Variants in INSL6 observed in about 807,000 individuals in gnomAD.
The protein encoded by INSL6 is insulin-like peptide INSL6.
In INSL6, 16 loss-of-function variants were observed where a neutral mutation model predicts 9.4. The ratio of observed to expected loss-of-function variants is 1.70; its 90% CI spans 1.15 to 2.59. The LOEUF is 2.59. Ranked by LOEUF, INSL6 falls within the 30% of genes most tolerant of loss-of-function variation. The pLI is 0.00. For synonymous variants in INSL6, 154 were observed against 96.9 expected, an observed-to-expected ratio of 1.59 and a Z score of -3.46; for missense variants, 391 against 257.3, an observed-to-expected ratio of 1.52 and a Z score of -3.56.
chr9:5,175,090 C>T (rs1257229303), intron 1 of INSL6, among the ~76,000 whole-genome samples: 1 of 152,090 alleles, frequency 6.6e-6, no homozygotes, highest in African/African-American at 2.4e-5. Flanking sequence ...CAGGTGCCCA[C>T]CACCACGCCC....
chr9:5,144,487 T>TTA (rs1349139479), intron 2 of INSL6, among the ~76,000 whole-genome samples: 2 of 151,978 alleles, frequency 1.3e-5, no homozygotes. Flanking sequence ...TGTTTCGGGG[T>TTA]ATCTATGAGG....
the INSL6 span, among the ~76,000 whole-genome samples, chr9:5,068,380 AATT>A: frequency 4.6e-3 from 702 of 152,334 alleles, 5 homozygotes; most frequent in African/African-American, 0.016. Flanking sequence ...TATTAAAGAT[AATT>A]ATACAAATAC....
rs76470180 is a variant in INSL6 at position 5,125,410 on chromosome 9, A to G, written c.*11-899T>C. Among the ~76,000 whole-genome samples, 32 of 151,632 alleles carry G rather than the reference A, an allele frequency of 2.1e-4. No individual in the cohort carries two copies. In the East Asian group the frequency reaches 5.8e-3, roughly 27 times the overall value. ...CTGAGTAGCATTCCATCATAAGGCT[A>G]TATATGTCTGAACAATCATTTTCCA... On this transcript the variant is annotated intron_variant, in intron 3 of 3. Coordinates refer to the INSL6 transcript ENST00000649639.
chr9:4,993,035 G>A, the INSL6 span, among the ~76,000 whole-genome samples: 4 of 152,136 alleles, frequency 2.6e-5, no homozygotes, highest in Non-Finnish European at 5.9e-5. Context: ...CCTGCCTGTA[G>A]TGCTCCAGAG....
chr9:5,081,489 A>G, the INSL6 span, among the ~76,000 whole-genome samples: 1 of 152,196 alleles, frequency 6.6e-6, no homozygotes, highest in South Asian at 2.1e-4. Context: ...TATGAATACT[A>G]AAACTTCTTA....
At chr9:5,177,489 G>A (rs1405021387) in intron 1 of INSL6, among the ~76,000 whole-genome samples, 2 of 152,222 alleles carry the variant, frequency 1.3e-5, no homozygotes, top group African/African-American at 4.8e-5. Flanking sequence ...AGTCTCAGCA[G>A]AGCAAACGCT....
At chr9:5,004,587 G>A in the INSL6 span, among the ~76,000 whole-genome samples, 1,047 of 152,220 alleles carry the variant, frequency 6.9e-3, 21 homozygotes, top group African/African-American at 0.024. Flanking sequence ...GAATAATGCT[G>A]CAATGAGCAT....
At chr9:5,124,736 A>G (rs1470333468) in intron 3 of INSL6, among the ~76,000 whole-genome samples, 1 of 151,670 alleles carries the variant, frequency 6.6e-6, no homozygotes, top group Non-Finnish European at 1.5e-5. Context: ...ACAGAATAGA[A>G]AACCCAGAAA....
At chr9:5,135,790 G>C (rs1029345243) in intron 2 of INSL6, among the ~76,000 whole-genome samples, 2 of 151,940 alleles carry the variant, frequency 1.3e-5, no homozygotes, top group South Asian at 2.1e-4. Flanking sequence ...AACTGAGCAA[G>C]ACAGAGACAC....
the INSL6 span, chr9:5,090,820 G>A: frequency 1.2e-6 from 2 of 1,613,526 alleles, no homozygotes; most frequent in South Asian, 1.1e-5. Flanking sequence ...CGAGAACAGA[G>A]TTAAAATTGG....
At chr9:5,116,151 C>T in the INSL6 span, among the ~76,000 whole-genome samples, 2 of 151,962 alleles carry the variant, frequency 1.3e-5, no homozygotes, top group South Asian at 2.1e-4. Flanking sequence ...CATAACAACC[C>T]TTGGAGAACA....
At chr9:5,070,059 C>T in the INSL6 span, 1 of 1,588,584 alleles carries the variant, frequency 6.3e-7, no homozygotes, top group Non-Finnish European at 8.6e-7. Context: ...ATTTGTAAGT[C>T]ATTAGATACT....
chr9:5,156,428 A>G (rs1586866927), intron 2 of INSL6, among the ~76,000 whole-genome samples: 1 of 152,192 alleles, frequency 6.6e-6, no homozygotes, highest in Non-Finnish European at 1.5e-5. Flanking sequence ...CCCCATTCCT[A>G]TTAGCAAACA....
rs183562669 is a variant in INSL6, at chr9:5,134,831, A to G, written c.377-1239T>C. 2.5e-3 allele frequency among the ~76,000 whole-genome samples: 376 copies of G among 152,336 alleles called. 1 individual carries two copies. The highest frequency in any genetic ancestry group is 8.8e-3 in the African/African-American group (367 of 41,576). On this transcript the variant is annotated intron_variant, in intron 2 of 3. Transcript: ENST00000649639. Reference sequence around the variant, plus strand: ...CATAATGACAGGATCAAAGTCACACATAACAATATTAACCTTAAATGTAAA... The same window carrying G: ...CATAATGACAGGATCAAAGTCACACGTAACAATATTAACCTTAAATGTAAA...
the INSL6 span, among the ~76,000 whole-genome samples, chr9:4,994,716 G>C: frequency 2.0e-5 from 3 of 152,084 alleles, no homozygotes; most frequent in South Asian, 6.2e-4. Context: ...GGCTAAATTT[G>C]GTATGTGTGA....
intron 3 of INSL6, chr9:5,126,808 T>C: frequency 6.7e-7 from 1 of 1,485,666 alleles, no homozygotes; most frequent in South Asian, 1.1e-5. Context: ...TGACCTTCAT[T>C]CTGAGACCAA....
the INSL6 span, among the ~76,000 whole-genome samples, chr9:4,995,170 C>T: frequency 2.6e-5 from 4 of 152,252 alleles, no homozygotes. Context: ...TTTTTATTCT[C>T]CTTTTTTAGG....
the INSL6 span, among the ~76,000 whole-genome samples, chr9:5,089,185 A>G: frequency 4.6e-5 from 7 of 152,128 alleles, no homozygotes; most frequent in East Asian, 1.9e-4. Flanking sequence ...CAGATTTACT[A>G]CCCACCTGTT....
chr9:5,054,076 C>T, the INSL6 span, among the ~76,000 whole-genome samples: 1 of 151,910 alleles, frequency 6.6e-6, no homozygotes, highest in Non-Finnish European at 1.5e-5. This position sits in a 1 kb window ranked among gnomAD's most constrained non-coding sequence, Gnocchi z 4.9. Context: ...TGAAGCTGGC[C>T]TAACAAAATA....
Sources: allele counts gnomAD v4.1 joint callset (sites outside exome capture counted in the v4.1 genomes callset), GRCh38; gene constraint gnomAD v4.1.1; non-coding constraint Gnocchi (gnomAD v3.1); transcripts MANE v1.5; gene names NCBI Gene and HGNC (gene_info 2026-07-23, HGNC 2026-07-21).